SOX5: variants seen among roughly 807,000 people sequenced by gnomAD.
The protein encoded by SOX5 is transcription factor SOX-5.
A neutral mutation model predicts 92.0 loss-of-function variants in SOX5; 9 were observed. That is an observed-to-expected ratio of 0.10 (90% CI 0.06 to 0.17). SOX5 has a LOEUF of 0.17. Ranked by LOEUF, SOX5 falls within the 10% of genes least tolerant of loss-of-function variation. SOX5 has a pLI of 1.00. For synonymous variants in SOX5, 344 were observed against 336.3 expected, an observed-to-expected ratio of 1.02 and a Z score of -0.25; for missense variants, 642 against 944.5, an observed-to-expected ratio of 0.68 and a Z score of 4.20.
At chr12:24,074,630 C>CAAA (rs76320418) in intron 4 of SOX5, among the ~76,000 whole-genome samples, 1,856 of 50,638 alleles carry the variant, frequency 0.037, 107 homozygotes, top group African/African-American at 0.077. Context: ...TGTAAACTAC[C>CAAA]AAAAAAAAAA....
intron 2 of SOX5, among the ~76,000 whole-genome samples, chr12:23,884,446 C>A (rs184064497): frequency 1.3e-5 from 2 of 152,052 alleles, no homozygotes; most frequent in East Asian, 3.9e-4. Flanking sequence ...TGCCCAATAG[C>A]CTATTATTCT....
At chr12:24,405,237 AG>A (rs1423467350) in intron 1 of SOX5, among the ~76,000 whole-genome samples, 2 of 152,250 alleles carry the variant, frequency 1.3e-5, no homozygotes, top group Admixed American at 6.5e-5. Flanking sequence ...TGCCATTTTT[AG>A]GATTAAAAAT....
chr12:23,908,578 T>C lies in SOX5; in HGVS notation c.39-12554A>G, dbSNP rs1331412988. 1.3e-5 allele frequency among the ~76,000 whole-genome samples: 2 copies of C among 151,494 alleles called. 1 individual carries two copies. The highest frequency in any genetic ancestry group is 4.2e-4 in the South Asian group (2 of 4,776). ...CAAAATAGACAGCAAGGAACGTATA[T>C]ACAGTGCACAAATCTTTTCTCAAAC... On this transcript the variant is annotated intron_variant, in intron 1 of 14. Transcript: ENST00000451604.
intron 1 of SOX5, among the ~76,000 whole-genome samples, chr12:23,923,977 A>C (rs1939215582): frequency 6.6e-6 from 1 of 152,212 alleles, no homozygotes; most frequent in Non-Finnish European, 1.5e-5. Context: ...CAGTTGTTCT[A>C]TAAAGTGGTC....
At chr12:23,948,884 A>C (rs1423842489) in intron 1 of SOX5, among the ~76,000 whole-genome samples, 3 of 152,214 alleles carry the variant, frequency 2.0e-5, no homozygotes, top group Non-Finnish European at 4.4e-5. Context: ...GGGAAAATAC[A>C]GTAAATTAAA....
chr12:24,383,343 T>C, intron 1 of SOX5, among the ~76,000 whole-genome samples: 1 of 152,244 alleles, frequency 6.6e-6, no homozygotes, highest in East Asian at 1.9e-4. Flanking sequence ...AAGCTAATTC[T>C]ATACAGATAA....
In SOX5 at chr12:23,908,211, T is replaced by C. The variant is rs554984106; in HGVS notation, c.39-12187A>G. On this transcript the variant is annotated intron_variant, in intron 1 of 14. Transcript: ENST00000451604. Reference sequence around the variant, plus strand: ...TAATTTCTTTTGTTTTCAAAGGTCATTGTGAAATCAAGCAAGTTAAGCCGT... The same window carrying C: ...TAATTTCTTTTGTTTTCAAAGGTCACTGTGAAATCAAGCAAGTTAAGCCGT... Among the ~76,000 whole-genome samples, 120 of 152,162 alleles carry C rather than the reference T, an allele frequency of 7.9e-4. 2 individuals carry two copies. The highest frequency in any genetic ancestry group is 2.9e-3 in the African/African-American group (120 of 41,534).
chr12:23,536,492 C>T lies in SOX5; in HGVS notation c.1949G>A (p.Arg650His), dbSNP rs764993534. Residue 650 changes from arginine (R) to histidine (H), a missense_variant, in exon 14 of 15, where the codon CGC becomes CAC. Arg to His is a conservative substitution (Grantham distance 29). Around this residue, in one of 8 missense-constraint regions of SOX5, gnomAD observed 21 missense variants for 52.3 expected, o/e 0.40. Transcript: ENST00000451604. ...LRIGEYKAIM[R>H]NRRQEMRQYF... ...CTGCCGCATTTCCTGCCGCCTGTTGCGCATGATTGCCTTGTATTCACCAAT... is the reference window on the plus strand; with the variant it reads ...CTGCCGCATTTCCTGCCGCCTGTTGTGCATGATTGCCTTGTATTCACCAAT... 1.9e-6 allele frequency: 3 copies of T among 1,614,004 alleles called. No homozygotes were observed. The highest frequency in any genetic ancestry group is 1.3e-5 in the African/African-American group (1 of 74,914).
At chr12:23,722,934 T>C (rs1000486692) in intron 6 of SOX5, among the ~76,000 whole-genome samples, 8 of 152,134 alleles carry the variant, frequency 5.3e-5, no homozygotes, top group African/African-American at 1.9e-4. Flanking sequence ...TTTTGACTGC[T>C]AGTCATTCAA....
chr12:23,600,755 A>G (rs1047038538), intron 9 of SOX5, among the ~76,000 whole-genome samples: 5 of 151,738 alleles, frequency 3.3e-5, no homozygotes, highest in Non-Finnish European at 7.4e-5. Context: ...TTTACAGAAC[A>G]CAACTCCAGT....
chr12:24,344,390 G>A (rs1329453726), intron 2 of SOX5, among the ~76,000 whole-genome samples: 1 of 151,388 alleles, frequency 6.6e-6, no homozygotes, highest in Admixed American at 6.6e-5. Flanking sequence ...TTGCTGCTTG[G>A]CCAGTTTGCG....
intron 3 of SOX5, among the ~76,000 whole-genome samples, chr12:23,827,263 ACTGT>A (rs1430367542): frequency 1.1e-4 from 16 of 152,172 alleles, no homozygotes; most frequent in South Asian, 4.1e-4. Context: ...AACAAATTAA[ACTGT>A]CTATCATGTT....
chr12:23,811,001 T>C (rs1428616179), intron 3 of SOX5, among the ~76,000 whole-genome samples: 1 of 152,116 alleles, frequency 6.6e-6, no homozygotes, highest in African/African-American at 2.4e-5. Context: ...TCAGAGGTGG[T>C]TTTTGTGTAA....
chr12:23,640,057 C>T (rs560624436), intron 8 of SOX5, among the ~76,000 whole-genome samples: 9 of 152,192 alleles, frequency 5.9e-5, no homozygotes, highest in East Asian at 3.9e-4. Flanking sequence ...TTTCTATTCC[C>T]GTTAATTGCA....
intron 4 of SOX5, among the ~76,000 whole-genome samples, chr12:23,745,363 TA>T (rs909969151): frequency 3.6e-4 from 55 of 152,172 alleles, no homozygotes; most frequent in African/African-American, 1.3e-3. Flanking sequence ...ATCTATCCTC[TA>T]AAACTGGTAC....
chr12:24,405,504 A>G (rs1962729107), intron 1 of SOX5, among the ~76,000 whole-genome samples: 1 of 152,204 alleles, frequency 6.6e-6, no homozygotes, highest in African/African-American at 2.4e-5. Context: ...CCGCCCATAG[A>G]AAACAGGATC....
At chr12:24,266,849 T>C (rs1378792385) in intron 3 of SOX5, among the ~76,000 whole-genome samples, 1 of 152,226 alleles carries the variant, frequency 6.6e-6, no homozygotes, top group Non-Finnish European at 1.5e-5. Context: ...ATTTATGTGA[T>C]CAAACCTATC....
intron 1 of SOX5, among the ~76,000 whole-genome samples, chr12:24,481,789 T>C (rs1946026802): frequency 6.6e-6 from 1 of 152,290 alleles, no homozygotes. Context: ...TGAACCATGA[T>C]GCCATGCTGC....
At chr12:24,319,802 T>C (rs1020648010) in intron 2 of SOX5, among the ~76,000 whole-genome samples, 6 of 152,238 alleles carry the variant, frequency 3.9e-5, no homozygotes, top group Admixed American at 6.5e-5. Flanking sequence ...TCTTGCACTA[T>C]CAAATTAATG....
Sources: gnomAD v4.1 joint callset for allele counts (sites outside exome capture counted in the v4.1 genomes callset) on GRCh38, gnomAD v4.1.1 for gene constraint, gnomAD v4.1.1 regional missense constraint, MANE v1.5 for transcripts, NCBI Gene and HGNC (gene_info 2026-07-23, HGNC 2026-07-21) for gene names.